The following PRDM11 variants were observed in gnomAD, a reference collection of about 807,000 sequenced individuals.
PRDM11 encodes PR/SET domain 11, also known as PR domain-containing protein 11.
PRDM11 carries 20 observed loss-of-function variants against 97.8 expected under a neutral mutation model. The ratio of observed to expected loss-of-function variants is 0.20; its 90% CI spans 0.14 to 0.30. The LOEUF (loss-of-function observed/expected upper bound fraction) is 0.30. PRDM11 is among the 10% of genes least tolerant of loss of function. The pLI is 1.00. For missense variants in PRDM11, 1,139 were observed against 1,555.2 expected, an observed-to-expected ratio of 0.73 and a Z score of 4.50; for synonymous variants, 599 against 637.7, an observed-to-expected ratio of 0.94 and a Z score of 0.91.
intron 1 of PRDM11, among the ~76,000 whole-genome samples, chr11:45,109,302 C>T (rs1852124469): frequency 6.6e-6 from 1 of 152,174 alleles, no homozygotes; most frequent in African/African-American, 2.4e-5. Flanking sequence ...CCCACCCCTG[C>T]CTTGAAAGGA....
At chr11:45,212,743 G>C (rs755333415) in intron 5 of PRDM11, 10 of 456,372 alleles carry the variant, frequency 2.2e-5, no homozygotes, top group Non-Finnish European at 4.4e-5. Context: ...AGCAGACCGA[G>C]GTGTTCCGGC....
At chr11:45,180,739 G>T (rs1852459361) in intron 1 of PRDM11, among the ~76,000 whole-genome samples, 1 of 149,880 alleles carries the variant, frequency 6.7e-6, no homozygotes. Flanking sequence ...CGGGAAGGCT[G>T]GCGAGAGGGG....
chr11:45,107,620 G>A (rs1358723593), intron 1 of PRDM11, among the ~76,000 whole-genome samples: 5 of 152,108 alleles, frequency 3.3e-5, no homozygotes, highest in Non-Finnish European at 5.9e-5. Context: ...CTCTAGTTGA[G>A]TGGGGGACAG....
At chr11:45,203,194 G>A (rs1853390293) in intron 4 of PRDM11, among the ~76,000 whole-genome samples, 1 of 152,176 alleles carries the variant, frequency 6.6e-6, no homozygotes, top group South Asian at 2.1e-4. Context: ...AGTTCTCCCA[G>A]GCTCTGCTTC....
chr11:45,207,670 C>T (rs112092898), intron 5 of PRDM11, among the ~76,000 whole-genome samples: 1,891 of 152,304 alleles, frequency 0.012, 35 homozygotes, highest in African/African-American at 0.042. Context: ...TGGGTTCACA[C>T]GAGTCCCATG....
rs113872688 is a variant in PRDM11 at position 45,158,268 on chromosome 11, C to T, written c.-7+11391C>T. On this transcript the variant is annotated intron_variant, in intron 1 of 7. Transcript: ENST00000683152. ...CTGGGCCTGCATGTGGCCACAAGCC[C>T]ACGGAGGCCCTGCCTGGGAAGGAAC... Among the ~76,000 whole-genome samples, 204 of 152,298 alleles carry T rather than the reference C, an allele frequency of 1.3e-3. 1 individual carries two copies. Among genetic ancestry groups the T allele is most frequent in the Non-Finnish European group, 2.6e-3 (180 of 68,016 alleles).
chr11:45,215,784 C>A (rs1853939822), intron 5 of PRDM11: 1 of 152,190 alleles, frequency 6.6e-6, no homozygotes, highest in Non-Finnish European at 1.5e-5. Context: ...CCCCTCCTAG[C>A]CCGGAGACCT....
intron 1 of PRDM11, among the ~76,000 whole-genome samples, chr11:45,119,308 C>A (rs1050552470): frequency 6.6e-6 from 1 of 152,102 alleles, no homozygotes; most frequent in African/African-American, 2.4e-5. Context: ...CAAGGTCAGA[C>A]GGAACTTTCA....
At chr11:45,124,262 T>C (rs1436822841) in intron 1 of PRDM11, among the ~76,000 whole-genome samples, 1 of 152,244 alleles carries the variant, frequency 6.6e-6, no homozygotes, top group Non-Finnish European at 1.5e-5. Context: ...TGGGGTTTTC[T>C]AGATTTACAA....
intron 1 of PRDM11, among the ~76,000 whole-genome samples, chr11:45,158,498 C>A (rs192540643): frequency 7.9e-5 from 12 of 152,344 alleles, no homozygotes; most frequent in Non-Finnish European, 1.6e-4. Context: ...CTTCTCTGTC[C>A]AGGCTCTGGC....
intron 1 of PRDM11, among the ~76,000 whole-genome samples, chr11:45,112,891 C>A (rs1306855693): frequency 6.6e-6 from 1 of 152,116 alleles, no homozygotes; most frequent in Non-Finnish European, 1.5e-5. Context: ...TTTTCTCCCA[C>A]TCTGTGGGTT....
At chr11:45,102,483 A>C (rs1851994989) in intron 1 of PRDM11, among the ~76,000 whole-genome samples, 1 of 152,192 alleles carries the variant, frequency 6.6e-6, no homozygotes. Flanking sequence ...GAAGCACCCC[A>C]GCTGGGGCCC....
At position 45,227,723 on chromosome 11, in the gene PRDM11, C is replaced by G. The variant is rs1348007331; in HGVS notation, c.3098C>G (p.Pro1033Arg). 8.5e-6 allele frequency: 13 copies of G among 1,533,832 alleles called. No individual in the cohort carries two copies. The highest frequency in any genetic ancestry group is 1.0e-5 in the Non-Finnish European group (12 of 1,146,688). The change falls in exon 8 of 8, where the codon CCC becomes CGC. Residue 1033 changes from proline to arginine, a missense_variant. Coordinates refer to ENST00000683152, the MANE Select transcript of PRDM11 (RefSeq NM_001384648.1). The surrounding 1 kb of genome is among the most constrained non-coding windows in gnomAD (Gnocchi z 8.0). ...SRDVCREGLD[P>R]RGSLLMEWRE... is the part of the protein sequence containing the mutation. ...GATGTCTGTAGGGAAGGGCTGGACC[C>G]CCGGGGTAGTCTGTTGATGGAGTGG...
chr11:45,201,446 C>G (rs1475113138), intron 4 of PRDM11, among the ~76,000 whole-genome samples: 1 of 151,818 alleles, frequency 6.6e-6, no homozygotes, highest in Non-Finnish European at 1.5e-5. Flanking sequence ...TCCTTCCTGC[C>G]TTCCTTCCTT....
chr11:45,213,678 G>T (rs190714717), intron 5 of PRDM11: 66 of 456,530 alleles, frequency 1.4e-4, no homozygotes, highest in African/African-American at 1.2e-3. Flanking sequence ...CCTCGCCCTT[G>T]CAGAGTCTGG....
rs1854037650 is a variant in PRDM11 at position 45,219,108 on chromosome 11, G to A, written c.555-462G>A. The stretch of plus-strand genomic sequence containing the variant: ...GATCTCTTGGACACCTTGTCACAGG[G>A]GCTATTTCAGCAAGGCTTTGTGAAA... On this transcript the variant is annotated intron_variant, in intron 5 of 7. Transcript: ENST00000683152. This position sits in a 1 kb window ranked among gnomAD's most constrained non-coding sequence, Gnocchi z 4.2. 6.6e-6 allele frequency among the ~76,000 whole-genome samples: 1 copy of A among 152,046 alleles called. No individual in the cohort carries two copies.
At chr11:45,096,376 C>T (rs764496218) in intron 1 of PRDM11, among the ~76,000 whole-genome samples, 13 of 152,214 alleles carry the variant, frequency 8.5e-5, no homozygotes, top group Non-Finnish European at 1.5e-4. Context: ...CCATTTCATT[C>T]ACACGTCTTA....
chr11:45,155,048 G>T (rs1247280710), intron 1 of PRDM11, among the ~76,000 whole-genome samples: 2 of 151,980 alleles, frequency 1.3e-5, no homozygotes, highest in African/African-American at 2.4e-5. Flanking sequence ...TGGCCGGTGG[G>T]CGCCTTCCCC....
Position 45,204,767 on chromosome 11 carries a change from C to CT in PRDM11, c.543_544insT (p.Asn182Ter). ...TAGATGGCTCAGACGAGACCAAAGC[C>CT]AACTGGATGAGGTGAGCCCTGCTCT... On this transcript the variant is annotated frameshift_variant, in exon 5 of 8. Transcript: ENST00000683152. LOFTEE classifies it high-confidence loss of function. 1 of 1,611,270 alleles carries CT rather than the reference C, an allele frequency of 6.2e-7. No homozygotes were observed. Among genetic ancestry groups the CT allele is most frequent in the Non-Finnish European group, 8.5e-7 (1 of 1,177,368 alleles).
Sources: allele counts gnomAD v4.1 joint callset (sites outside exome capture counted in the v4.1 genomes callset), GRCh38; gene constraint gnomAD v4.1.1; non-coding constraint Gnocchi (gnomAD v3.1); transcripts MANE v1.5; gene names NCBI Gene and HGNC (gene_info 2026-07-23, HGNC 2026-07-21).